The following DHRS2 variants were observed in gnomAD, a reference collection of about 807,000 sequenced individuals.
DHRS2 encodes the protein dehydrogenase/reductase 2.
DHRS2 carries 29 observed loss-of-function variants against 26.3 expected under a neutral mutation model. That is an observed-to-expected ratio of 1.10 (90% confidence interval 0.82 to 1.50). The LOEUF is 1.50. DHRS2 is among the 40% of genes most tolerant of loss of function. DHRS2 has a pLI of 0.00. For synonymous variants in DHRS2, 164 were observed against 151.3 expected, an observed-to-expected ratio of 1.08 and a Z score of -0.62; for missense variants, 439 against 367.1, an observed-to-expected ratio of 1.20 and a Z score of -1.60.
rs541700384 is a variant in DHRS2, at chr14:23,645,144, T to A, written c.734T>A (p.Ile245Asn). ...CACTGTGTCCTTCTTCCATCCAGGA[T>A]TGGGGAGTCAGAGGACTGTGCAGGA... Reference protein sequence around the residue: ...NFKEHHQLQRIGESEDCAGIV... With the variant: ...NFKEHHQLQRNGESEDCAGIV... The change falls in exon 9 of 9, where the codon ATT (isoleucine) becomes AAT (asparagine). Residue 245 changes from isoleucine (I) to asparagine (N), a missense_variant and splice_region_variant. By Grantham distance (149) the Ile-to-Asn change is moderately radical (BLOSUM62 -3). Transcript: ENST00000250383. 4.3e-6 allele frequency: 7 copies of A among 1,613,840 alleles called. No individual in the cohort carries two copies. Among genetic ancestry groups the A allele is most frequent in the Non-Finnish European group, 3.4e-6 (4 of 1,179,934 alleles).
Position 23,645,357 on chromosome 14 carries a change from A to T in DHRS2, c.*104A>T, listed in dbSNP as rs778691871. ...GAGGCAGAGTCTGCCATTCTGCCAG[A>T]CTAGCAATTTGGGGGCTTACTCATG... On this transcript the variant is annotated 3_prime_UTR_variant, in exon 9 of 9. Transcript: ENST00000250383. 15 of 1,595,592 alleles carry T rather than the reference A, an allele frequency of 9.4e-6. No individual in the cohort carries two copies. The highest frequency in any genetic ancestry group is 1.2e-5 in the Non-Finnish European group (14 of 1,173,646).
intron 3 of DHRS2, 47 bp from the exon 4 acceptor site, chr14:23,639,747 A>G (rs1170708631): frequency 6.5e-7 from 1 of 1,538,906 alleles, no homozygotes. Context: ...TGGGAGGGAT[A>G]GTCCTCCTCA....
In DHRS2 at chr14:23,638,826, G is replaced by T. The variant is rs1433647222; in HGVS notation, c.-38-1G>T. On this transcript the variant is annotated splice_acceptor_variant, in intron 1 of 8. Transcript: ENST00000250383. LOFTEE classifies it low-confidence loss of function (5UTR_SPLICE). The stretch of plus-strand genomic sequence containing the variant: ...TAAGTGAAATTGATTCTTTCCCCCA[G>T]GCCTGATTCAGCAGGAAGCATCTCA... 7 of 1,603,340 alleles carry T rather than the reference G, an allele frequency of 4.4e-6. No individual in the cohort carries two copies. In the South Asian group the frequency reaches 7.8e-5, roughly 18 times the overall value.
At chr14:23,635,491 G>A (rs1890248140), upstream of DHRS2, among the ~76,000 whole-genome samples, 1 of 152,270 alleles carries the variant, frequency 6.6e-6, no homozygotes, top group East Asian at 1.9e-4. Flanking sequence ...CAGGATGCAA[G>A]TTCCCTCTAC....
chr14:23,633,481 C>T (rs1362114162), upstream of DHRS2, among the ~76,000 whole-genome samples: 1 of 152,172 alleles, frequency 6.6e-6, no homozygotes, highest in African/African-American at 2.4e-5. Context: ...TCAGCCTGTT[C>T]CCCTTGACAG....
chr14:23,638,494 G>A (rs992140159), intron 1 of DHRS2: 15 of 182,686 alleles, frequency 8.2e-5, no homozygotes, highest in African/African-American at 1.7e-4. Flanking sequence ...TGAGTCTGTC[G>A]TTTACTAAGG....
Position 23,637,546 on chromosome 14 carries a change from C to T in DHRS2, c.-39+774C>T, listed in dbSNP as rs145398098. ...TTCCCTCCCTCAGGTTACTCTTCTT[C>T]ATTTTTGGGGCATAACATCTTTATA... On this transcript the variant is annotated intron_variant, in intron 1 of 8. Transcript: ENST00000250383. 3.9e-5 allele frequency among the ~76,000 whole-genome samples: 6 copies of T among 152,168 alleles called. No individual in the cohort carries two copies. The East Asian group carries it at 1.2e-3, about 29-fold the overall frequency.
At chr14:23,632,817 C>T (rs1890158297), upstream of DHRS2, among the ~76,000 whole-genome samples, 1 of 152,192 alleles carries the variant, frequency 6.6e-6, no homozygotes, top group South Asian at 2.1e-4. Flanking sequence ...TGCAAGTTCA[C>T]ATCTGTCGGC....
rs982175688 is a variant in DHRS2, at chr14:23,644,536, G to A, written c.668G>A (p.Ser223Asn). 3.7e-6 allele frequency: 6 copies of A among 1,614,240 alleles called. No homozygotes were observed. The highest frequency in any genetic ancestry group is 5.1e-6 in the Non-Finnish European group (6 of 1,180,044). Residue 223 changes from serine (S) to asparagine (N), a missense_variant, in exon 7 of 9, where the codon AGC becomes AAC. By Grantham distance (46) the Ser-to-Asn change is conservative. Coordinates refer to ENST00000250383, the MANE Select transcript of DHRS2 (RefSeq NM_005794.4). ...VVPGIIKTDF[S>N]KVFHGNESLW... Reference sequence around the variant, plus strand: ...CCAGGAATTATCAAAACTGACTTCAGCAAAGTGGTGAGGATTGGGTGTGTC... The same window carrying A: ...CCAGGAATTATCAAAACTGACTTCAACAAAGTGGTGAGGATTGGGTGTGTC...
At chr14:23,631,605 C>T (rs1466045697), upstream of DHRS2, among the ~76,000 whole-genome samples, 1 of 151,658 alleles carries the variant, frequency 6.6e-6, no homozygotes, top group Non-Finnish European at 1.5e-5. Flanking sequence ...GTGCTGAAGG[C>T]CATTCACCTC....
upstream of DHRS2, among the ~76,000 whole-genome samples, chr14:23,635,652 C>T (rs925236428): frequency 6.6e-6 from 1 of 152,236 alleles, no homozygotes; most frequent in Non-Finnish European, 1.5e-5. Flanking sequence ...TGCTAGCAGC[C>T]CTTGCTCACT....
chr14:23,634,589 T>G (rs1039789895), upstream of DHRS2, among the ~76,000 whole-genome samples: 4 of 152,366 alleles, frequency 2.6e-5, no homozygotes, highest in Non-Finnish European at 5.9e-5. Context: ...AGTATATTTT[T>G]TAAGATTCCT....
chr14:23,634,132 A>G (rs1360547979), upstream of DHRS2, among the ~76,000 whole-genome samples: 2 of 135,434 alleles, frequency 1.5e-5, no homozygotes, highest in African/African-American at 5.8e-5. Flanking sequence ...CAGTGGTGCA[A>G]TCTTGGCTCA....
intron 4 of DHRS2, chr14:23,641,817 G>A (rs1890684094): frequency 1.6e-6 from 2 of 1,272,446 alleles, no homozygotes; most frequent in Non-Finnish European, 2.0e-6. Context: ...TTGAGTGGGA[G>A]TGAGATTGGG....
chr14:23,636,316 G>A (rs1890276584), upstream of DHRS2: 1 of 152,192 alleles, frequency 6.6e-6, no homozygotes, highest in African/African-American at 2.4e-5. Flanking sequence ...AGCAGGATGT[G>A]GGTGTGGCCA....
chr14:23,644,919 G>C (rs1447320046), intron 8 of DHRS2, 37 bp downstream of exon 8: 1 of 1,609,468 alleles, frequency 6.2e-7, no homozygotes, highest in Non-Finnish European at 8.5e-7. Context: ...TCCATGTGTG[G>C]CTAGGCAGGG....
At chr14:23,640,572 C>G in intron 4 of DHRS2, 6 of 373,184 alleles carry the variant, frequency 1.6e-5, no homozygotes, top group Non-Finnish European at 2.2e-5. Flanking sequence ...TTTCTGTTCT[C>G]TCTGCCAGAA....
rs1890556081 is a variant in DHRS2, at chr14:23,639,827, G to C, written c.352G>C (p.Val118Leu). The change falls in exon 4 of 9, where the codon GTG (valine) becomes CTG (leucine). Residue 118 changes from valine to leucine, a missense_variant. Transcript: ENST00000250383. ...GCACTGTGGGGGCGTCGACTTCCTG[G>C]TGTGCAGCGCAGGGGTCAACCCTCT... ...LEHCGGVDFL[V>L]CSAGVNPLVG... The C allele has an allele frequency of 5.0e-6, 8 of 1,610,272 alleles. No individual in the cohort carries two copies. The highest frequency in any genetic ancestry group is 6.8e-6 in the Non-Finnish European group (8 of 1,177,994).
chr14:23,641,825 G>T, intron 4 of DHRS2: 2 of 1,262,186 alleles, frequency 1.6e-6, no homozygotes, highest in South Asian at 1.3e-5. Flanking sequence ...GAGTGAGATT[G>T]GGGGGTGGAA....
Sources: allele counts gnomAD v4.1 joint callset (sites outside exome capture counted in the v4.1 genomes callset), GRCh38; gene constraint gnomAD v4.1.1; transcripts MANE v1.5; gene names NCBI Gene and HGNC (gene_info 2026-07-23, HGNC 2026-07-21).